CCSER2: variants seen among roughly 807,000 people sequenced by gnomAD.
CCSER2 encodes the protein serine-rich coiled-coil domain-containing protein 2.
CCSER2 carries 46 observed loss-of-function variants against 92.3 expected under a neutral mutation model. That is an observed-to-expected ratio of 0.50 (90% confidence interval 0.39 to 0.64). CCSER2 has a LOEUF of 0.64. Among genes scored for constraint, CCSER2 ranks in the 30% least tolerant of loss-of-function variants. The probability of loss-of-function intolerance (pLI) is 0.00; values close to 1 mark genes in which losing one functional copy is unlikely to be tolerated. For synonymous variants in CCSER2, 433 were observed against 431.4 expected, an observed-to-expected ratio of 1.00 and a Z score of -0.04; for missense variants, 1,244 against 1,238.9, an observed-to-expected ratio of 1.00 and a Z score of -0.06.
chr10:84,380,707 T>G (rs1035184375), intron 3 of CCSER2, among the ~76,000 whole-genome samples: 1 of 150,618 alleles, frequency 6.6e-6, no homozygotes, highest in Non-Finnish European at 1.5e-5. Context: ...TTTTTTTTTT[T>G]TTTTGAGACA....
At chr10:84,470,561 T>G in intron 8 of CCSER2, 103 bp downstream of exon 8, 1 of 976,886 alleles carries the variant, frequency 1.0e-6, no homozygotes, top group Non-Finnish European at 1.4e-6. Flanking sequence ...TTTTTGGCTC[T>G]CAAAGTTGCA....
intron 9 of CCSER2, among the ~76,000 whole-genome samples, chr10:84,481,611 C>G (rs1032534372): frequency 6.6e-6 from 1 of 152,056 alleles, no homozygotes; most frequent in African/African-American, 2.4e-5. Flanking sequence ...TAGGGCAAGA[C>G]AAAGGTTTCT....
At chr10:84,356,090 T>G in intron 1 of CCSER2, among the ~76,000 whole-genome samples, 2 of 125,376 alleles carry the variant, frequency 1.6e-5, no homozygotes, top group African/African-American at 6.6e-5. Flanking sequence ...GTGACAAGAG[T>G]GAAACTGTCT....
chr10:84,343,573 C>G (rs1164030326), intron 1 of CCSER2, among the ~76,000 whole-genome samples: 1 of 152,146 alleles, frequency 6.6e-6, no homozygotes, highest in Non-Finnish European at 1.5e-5. Context: ...AAACCATGGA[C>G]TGATTATTCT....
At chr10:84,402,291 G>A (rs1173719773) in intron 3 of CCSER2, among the ~76,000 whole-genome samples, 1 of 152,120 alleles carries the variant, frequency 6.6e-6, no homozygotes, top group Non-Finnish European at 1.5e-5. Flanking sequence ...GGTGACAGTA[G>A]CTCCCAGCCT....
intron 3 of CCSER2, among the ~76,000 whole-genome samples, chr10:84,390,552 G>A (rs1030558771): frequency 2.0e-5 from 3 of 152,204 alleles, no homozygotes; most frequent in South Asian, 4.1e-4. Context: ...GCACTATGAT[G>A]TTATGATAGT....
At chr10:84,361,013 T>G (rs1845471651) in intron 1 of CCSER2, among the ~76,000 whole-genome samples, 1 of 152,186 alleles carries the variant, frequency 6.6e-6, no homozygotes, top group South Asian at 2.1e-4. Flanking sequence ...TGCTGCTGCT[T>G]CCCCAGCAGT....
intron 3 of CCSER2, among the ~76,000 whole-genome samples, chr10:84,407,194 A>G (rs1010326458): frequency 6.6e-6 from 1 of 152,202 alleles, no homozygotes; most frequent in African/African-American, 2.4e-5. Flanking sequence ...AAGATGCAGC[A>G]TGCACATCAA....
rs149156692 is a variant in CCSER2, at chr10:84,433,304, A to G, written c.1869-5208A>G. Among the ~76,000 whole-genome samples, 40 of 152,322 alleles carry G rather than the reference A, an allele frequency of 2.6e-4. No individual in the cohort carries two copies. In the East Asian group the frequency reaches 7.3e-3, roughly 28 times the overall value. On this transcript the variant is annotated intron_variant, in intron 5 of 9. Coordinates refer to ENST00000372088, the MANE Select transcript of CCSER2 (RefSeq NM_001284240.2). ...TTAAAATGTTACCACAAACATAAAA[A>G]TACGTACATTTAACTTTTAGTATAA...
At chr10:84,436,140 A>T (rs1218052780) in intron 5 of CCSER2, among the ~76,000 whole-genome samples, 1 of 131,340 alleles carries the variant, frequency 7.6e-6, no homozygotes, top group Non-Finnish European at 1.6e-5. Flanking sequence ...CCACCCTGTG[A>T]ATGGTGAAAC....
intron 9 of CCSER2, among the ~76,000 whole-genome samples, chr10:84,499,261 G>A (rs894418260): frequency 2.0e-5 from 3 of 151,952 alleles, no homozygotes; most frequent in South Asian, 2.1e-4. Flanking sequence ...TTAGCCTCCC[G>A]AGTAACTGGT....
chr10:84,476,966 G>T (rs950561660), intron 8 of CCSER2, among the ~76,000 whole-genome samples: 4 of 152,124 alleles, frequency 2.6e-5, no homozygotes, highest in African/African-American at 9.7e-5. Flanking sequence ...TCATCACACT[G>T]CACATGAGAA....
intron 3 of CCSER2, among the ~76,000 whole-genome samples, chr10:84,387,568 G>C (rs927029698): frequency 2.6e-4 from 39 of 151,726 alleles, no homozygotes; most frequent in African/African-American, 8.7e-4. Context: ...TGGCTCTGTG[G>C]CCCAGGCTGG....
chr10:84,356,101 CA>C (rs57079136), intron 1 of CCSER2, among the ~76,000 whole-genome samples: 32,591 of 84,138 alleles, frequency 0.39, 4,884 homozygotes, highest in African/African-American at 0.57. Context: ...GAAACTGTCT[CA>C]AAAAAAAAAA....
At chr10:84,427,098 A>C (rs1843475986) in intron 5 of CCSER2, among the ~76,000 whole-genome samples, 1 of 152,188 alleles carries the variant, frequency 6.6e-6, no homozygotes. Flanking sequence ...AATCCCTTCT[A>C]CTTAGTGTAT....
chr10:84,432,313 T>A (rs1298928533), intron 5 of CCSER2, among the ~76,000 whole-genome samples: 2 of 152,224 alleles, frequency 1.3e-5, no homozygotes, highest in Non-Finnish European at 2.9e-5. Flanking sequence ...TATACATGGA[T>A]ATATTATGTG....
chr10:84,339,235 G>T (rs763814328), intron 1 of CCSER2, among the ~76,000 whole-genome samples: 2 of 150,992 alleles, frequency 1.3e-5, no homozygotes, highest in Non-Finnish European at 1.5e-5. Flanking sequence ...AACTCCTAGT[G>T]TCAAGCAATT....
chr10:84,396,920 A>G (rs942790137), intron 3 of CCSER2, among the ~76,000 whole-genome samples: 3 of 152,218 alleles, frequency 2.0e-5, no homozygotes, highest in African/African-American at 4.8e-5. Flanking sequence ...TCTCCCAACA[A>G]TGGGCATCAA....
chr10:84,408,686 C>G (rs1433386925), intron 3 of CCSER2, among the ~76,000 whole-genome samples: 1 of 152,182 alleles, frequency 6.6e-6, no homozygotes, highest in South Asian at 2.1e-4. Flanking sequence ...ACAGTGGTGA[C>G]AGTTCTCCTT....
Sources: allele counts gnomAD v4.1 joint callset (sites outside exome capture counted in the v4.1 genomes callset), GRCh38; gene constraint gnomAD v4.1.1; transcripts MANE v1.5; gene names NCBI Gene and HGNC (gene_info 2026-07-23, HGNC 2026-07-21).